Variants in RGS18 observed in about 807,000 individuals in gnomAD.
The protein encoded by RGS18 is regulator of G protein signaling 18.
RGS18 carries 22 observed loss-of-function variants against 27.6 expected under a neutral mutation model. The ratio of observed to expected loss-of-function variants is 0.80; its 90% confidence interval spans 0.57 to 1.14. The LOEUF (loss-of-function observed/expected upper bound fraction) is 1.14. Ranked by LOEUF, RGS18 falls within the 50% of genes most tolerant of loss-of-function variation. RGS18 has a pLI of 0.00. For missense variants in RGS18, 299 were observed against 269.6 expected (o/e 1.11, Z -0.76); for synonymous variants, 89 against 84.6 (o/e 1.05, Z -0.29).
At position 192,185,024 on chromosome 1, in the gene RGS18, T is replaced by C. The variant is rs1462307738; in HGVS notation, c.*470T>C. 1 of 161,146 alleles carries C rather than the reference T, an allele frequency of 6.2e-6. No individual in the cohort carries two copies. Among genetic ancestry groups the C allele is most frequent in the Non-Finnish European group, 1.4e-5 (1 of 73,516 alleles). 10.0% of individuals were successfully genotyped at this position (161,146 alleles called of 1,614,324 possible). ...TTTTTTGGTAATAGTGTAGAAGTGATCTGGTTCTTACAATGGGAGATGAAG... is the reference window on the plus strand; with the variant it reads ...TTTTTTGGTAATAGTGTAGAAGTGACCTGGTTCTTACAATGGGAGATGAAG... On this transcript the variant is annotated 3_prime_UTR_variant, in exon 5 of 5. Coordinates refer to ENST00000367460, the MANE Select transcript of RGS18 (RefSeq NM_130782.3).
intron 3 of RGS18, among the ~76,000 whole-genome samples, chr1:192,162,271 T>C (rs1656086873): frequency 6.6e-6 from 1 of 152,200 alleles, no homozygotes; most frequent in Non-Finnish European, 1.5e-5. Flanking sequence ...TTGTTTGTTT[T>C]CTTTTTTGTT....
intron 3 of RGS18, among the ~76,000 whole-genome samples, chr1:192,177,699 T>C (rs1006368129): frequency 8.6e-5 from 13 of 151,718 alleles, no homozygotes; most frequent in East Asian, 1.9e-4. Flanking sequence ...ATAGGCTGTA[T>C]GGGTTAGATT....
intron 3 of RGS18, among the ~76,000 whole-genome samples, chr1:192,175,542 T>A (rs1656344047): frequency 1.3e-5 from 2 of 151,902 alleles, no homozygotes; most frequent in African/African-American, 4.8e-5. Context: ...CAAGACATAG[T>A]GTTTATACCA....
chr1:192,177,749 G>C (rs2102158977), intron 3 of RGS18, among the ~76,000 whole-genome samples: 1 of 151,820 alleles, frequency 6.6e-6, no homozygotes, highest in Non-Finnish European at 1.5e-5. Flanking sequence ...GAAGGGAAAA[G>C]TATTCTCAAC....
At chr1:192,183,406 A>C (rs1335302720) in intron 4 of RGS18, among the ~76,000 whole-genome samples, 1 of 151,656 alleles carries the variant, frequency 6.6e-6, no homozygotes, top group African/African-American at 2.4e-5. Context: ...AATATGCCCC[A>C]GCTCATTTTT....
chr1:192,181,732 T>C (rs1252841723), intron 4 of RGS18, among the ~76,000 whole-genome samples: 1 of 151,558 alleles, frequency 6.6e-6, no homozygotes, highest in Non-Finnish European at 1.5e-5. Context: ...TCTAGCAATC[T>C]TGAAATATAC....
intron 3 of RGS18, among the ~76,000 whole-genome samples, chr1:192,162,073 A>G (rs926460538): frequency 6.6e-6 from 1 of 152,202 alleles, no homozygotes; most frequent in African/African-American, 2.4e-5. Flanking sequence ...GATGTAATCA[A>G]TGAGAATGGA....
At chr1:192,183,489 T>C (rs999231287) in intron 4 of RGS18, among the ~76,000 whole-genome samples, 1 of 151,656 alleles carries the variant, frequency 6.6e-6, no homozygotes. Context: ...GCTTTAATTA[T>C]TTCTATGATC....
At position 192,158,553 on chromosome 1, in the gene RGS18, T is replaced by A; in HGVS notation, c.-85T>A. The A allele has an allele frequency of 8.6e-7, 1 of 1,162,032 alleles. No homozygotes were observed. Among genetic ancestry groups the A allele is most frequent in the African/African-American group, 1.6e-5 (1 of 61,738 alleles). 72.0% of individuals were successfully genotyped at this position (1,162,032 alleles called of 1,614,324 possible). A position where few individuals can be genotyped will look rare whatever the true frequency, so the allele number is the denominator to read the frequency against. On this transcript the variant is annotated 5_prime_UTR_variant, in exon 1 of 5. Transcript: ENST00000367460. ...TAAGAGTTGTGATAACTTTTTATTC[T>A]ACTATGTATATGTATGGAATAGTAT...
At chr1:192,160,580 C>A in intron 3 of RGS18, 141 bp downstream of exon 3, 1 of 532,270 alleles carries the variant, frequency 1.9e-6, no homozygotes, top group South Asian at 3.3e-5. Context: ...ATCAACAGAA[C>A]TAAGTAATAG....
intron 3 of RGS18, chr1:192,160,677 T>C: frequency 2.4e-6 from 1 of 417,732 alleles, no homozygotes; most frequent in South Asian, 5.9e-5. Flanking sequence ...ATTTATACTG[T>C]AGCTAGTTTC....
At chr1:192,178,858 C>G (rs1044509720) in intron 3 of RGS18, among the ~76,000 whole-genome samples, 2 of 151,482 alleles carry the variant, frequency 1.3e-5, no homozygotes, top group African/African-American at 4.8e-5. Flanking sequence ...TGTAAAGAAA[C>G]TTTGTTTTTC....
chr1:192,168,963 A>G (rs1571388328), intron 3 of RGS18: 1 of 152,220 alleles, frequency 6.6e-6, no homozygotes, highest in East Asian at 1.9e-4. Context: ...AATTGTGCCA[A>G]TAAAAGGCAT....
intron 4 of RGS18, among the ~76,000 whole-genome samples, chr1:192,182,609 T>C (rs1028056368): frequency 6.6e-6 from 1 of 151,578 alleles, no homozygotes; most frequent in Non-Finnish European, 1.5e-5. Context: ...TATGAATATT[T>C]ATCCATACAA....
chr1:192,158,543 C>T lies in RGS18; in HGVS notation c.-95C>T, dbSNP rs1391075837. 7.2e-6 allele frequency: 8 copies of T among 1,105,158 alleles called. No individual in the cohort carries two copies. Among genetic ancestry groups the T allele is most frequent in the Non-Finnish European group, 6.0e-6 (5 of 836,194 alleles). 68.5% of individuals were successfully genotyped at this position (1,105,158 alleles called of 1,614,324 possible). A position where few individuals can be genotyped will look rare whatever the true frequency, so the allele number is the denominator to read the frequency against. The stretch of plus-strand genomic sequence containing the variant: ...AACATTACTGTAAGAGTTGTGATAA[C>T]TTTTTATTCTACTATGTATATGTAT... On this transcript the variant is annotated 5_prime_UTR_variant, in exon 1 of 5. Coordinates refer to ENST00000367460, the MANE Select transcript of RGS18 (RefSeq NM_130782.3).
intron 3 of RGS18, among the ~76,000 whole-genome samples, chr1:192,172,476 G>A (rs936288158): frequency 6.6e-6 from 1 of 151,752 alleles, no homozygotes; most frequent in Non-Finnish European, 1.5e-5. Context: ...TTATACCACC[G>A]GCAGAACTGT....
intron 4 of RGS18, among the ~76,000 whole-genome samples, chr1:192,183,665 A>G (rs1368839600): frequency 6.6e-6 from 1 of 151,618 alleles, no homozygotes; most frequent in Admixed American, 6.6e-5. Context: ...CACTATTCAC[A>G]ATAACCAAAA....
intron 3 of RGS18, among the ~76,000 whole-genome samples, chr1:192,178,193 C>A (rs977091259): frequency 5.9e-5 from 9 of 151,340 alleles, no homozygotes; most frequent in African/African-American, 1.7e-4. Context: ...GCCAGGTTTC[C>A]CGTTTATATC....
intron 3 of RGS18, among the ~76,000 whole-genome samples, chr1:192,171,813 AT>A (rs34978356): frequency 0.021 from 3,245 of 152,206 alleles, 55 homozygotes; most frequent in Non-Finnish European, 0.031. Flanking sequence ...TAAAGGAGGA[AT>A]AAATGGTGAT....
Sources: gnomAD v4.1 joint callset for allele counts (sites outside exome capture counted in the v4.1 genomes callset) on GRCh38, gnomAD v4.1.1 for gene constraint, MANE v1.5 for transcripts, NCBI Gene and HGNC (gene_info 2026-07-23, HGNC 2026-07-21) for gene names.